HNRNPUL2: variants seen among roughly 807,000 people sequenced by gnomAD.
HNRNPUL2 encodes heterogeneous nuclear ribonucleoprotein U like 2.
Under a neutral mutation model 102.2 loss-of-function variants are expected in HNRNPUL2, and 27 were observed. That is an observed-to-expected ratio of 0.26 (90% CI 0.19 to 0.36). The LOEUF (loss-of-function observed/expected upper bound fraction) is 0.36. Ranked by LOEUF, HNRNPUL2 falls within the 10% of genes least tolerant of loss-of-function variation. The pLI is 1.00. For missense variants in HNRNPUL2, 936 were observed against 981.1 expected, an observed-to-expected ratio of 0.95 and a Z score of 0.61; for synonymous variants, 458 against 387.2, an observed-to-expected ratio of 1.18 and a Z score of -2.15.
chr11:62,716,413 T>A (rs2083660867), intron 11 of HNRNPUL2, among the ~76,000 whole-genome samples: 1 of 152,176 alleles, frequency 6.6e-6, no homozygotes, highest in African/African-American at 2.4e-5. Context: ...TCTGCTGACT[T>A]AACAGTTACA....
rs1194011084 is a variant in HNRNPUL2, at chr11:62,722,394, G to A, written c.1096-14C>T. 8.1e-6 allele frequency: 13 copies of A among 1,611,416 alleles called. No individual in the cohort carries two copies. Among genetic ancestry groups the A allele is most frequent in the African/African-American group, 1.3e-5 (1 of 74,820 alleles). ...AGTCTCAAAATTCTACAATGACAAGGGACAAGAGCACTTATTGGCTGACGA... is the reference window on the plus strand; with the variant it reads ...AGTCTCAAAATTCTACAATGACAAGAGACAAGAGCACTTATTGGCTGACGA... On this transcript the variant is annotated splice_polypyrimidine_tract_variant and intron_variant, in intron 6 of 13. Transcript: ENST00000301785.
chr11:62,715,960 G>A (rs370000407), intron 11 of HNRNPUL2, 23 bp from the exon 12 acceptor site: 23 of 1,558,302 alleles, frequency 1.5e-5, no homozygotes, highest in East Asian at 1.4e-4. Context: ...TGGAGAGCGC[G>A]CTCAGACAGC....
At chr11:62,724,624 G>A (rs1291845765) in intron 1 of HNRNPUL2, among the ~76,000 whole-genome samples, 198 bp from the exon 2 acceptor site, 1 of 151,978 alleles carries the variant, frequency 6.6e-6, no homozygotes, top group East Asian at 1.9e-4. Context: ...TTTAAAAAGG[G>A]GCATTATGGG....
Position 62,726,902 on chromosome 11 carries a change from GTCCTCCTCC to G in HNRNPUL2, c.246_254del (p.Glu82_Glu84del). 6.4e-7 allele frequency: 1 copy of G among 1,556,106 alleles called. No individual in the cohort carries two copies. Among genetic ancestry groups the G allele is most frequent in the Non-Finnish European group, 8.6e-7 (1 of 1,161,118 alleles). ...CCTCGTCCTCAAGCAGCGCCTCCTC[GTCCTCCTCC>G]TCCTCCTCTTCGTCCTCCTCCTCGT... On this transcript the variant is annotated inframe_deletion, in exon 1 of 14. Transcript: ENST00000301785.
At chr11:62,717,858 C>A (rs760593568) in intron 10 of HNRNPUL2, among the ~76,000 whole-genome samples, 12 of 152,178 alleles carry the variant, frequency 7.9e-5, no homozygotes, top group East Asian at 1.9e-4. Flanking sequence ...GAAGAGAAGA[C>A]AAGAGTACAA....
At chr11:62,721,767 G>T (rs1262142920) in intron 8 of HNRNPUL2, 53 bp downstream of exon 8, 3 of 1,584,176 alleles carry the variant, frequency 1.9e-6, no homozygotes, top group Admixed American at 1.7e-5. Context: ...ATTAAAGATA[G>T]GTTATAAGAG....
At position 62,715,310 on chromosome 11, in the gene HNRNPUL2, C is replaced by T; in HGVS notation, c.2233G>A (p.Gly745Arg). Residue 745 changes from glycine to arginine, a missense_variant, in exon 14 of 14, where the codon GGG becomes AGG. Physicochemically the swap from Gly to Arg is moderately radical, Grantham distance 125 (BLOSUM62 -2). Around this residue, in one of 2 missense-constraint regions of HNRNPUL2, gnomAD observed 609 missense variants for 713.0 expected, o/e 0.85. Coordinates refer to ENST00000301785, the MANE Select transcript of HNRNPUL2 (RefSeq NM_001079559.3). ...RYYRNYYGYQGYR is the reference protein window; with the variant it reads ...RYYRNYYGYQRYR ...CCATGGCAGGGGCTTCACCGATACCCTTGGTACCCGTAGTAATTCCTGTAG... is the reference window on the plus strand; with the variant it reads ...CCATGGCAGGGGCTTCACCGATACCTTTGGTACCCGTAGTAATTCCTGTAG... 1 of 1,612,812 alleles carries T rather than the reference C, an allele frequency of 6.2e-7. No homozygotes were observed.
intron 1 of HNRNPUL2, among the ~76,000 whole-genome samples, chr11:62,726,331 G>A (rs932296959): frequency 1.3e-5 from 2 of 152,150 alleles, no homozygotes; most frequent in African/African-American, 4.8e-5. Context: ...AAGCACCGTG[G>A]GAGACTGTTC....
At position 62,723,851 on chromosome 11, in the gene HNRNPUL2, T is replaced by C. The variant is rs761412416; in HGVS notation, c.751+63A>G. ...ATAGAATTTATAGGCTATGAAGTTT[T>C]AATCTCCAAAATCACTTTTAGGAGA... is the stretch of plus-strand genomic sequence containing the variant. On this transcript the variant is annotated intron_variant, in intron 3 of 13. Transcript: ENST00000301785. The C allele has an allele frequency of 1.2e-4, 187 of 1,600,282 alleles. No homozygotes were observed. In the Middle Eastern group the frequency reaches 1.3e-3, roughly 11 times the overall value.
intron 8 of HNRNPUL2, 121 bp from the exon 9 acceptor site, chr11:62,721,544 T>C (rs1293564023): frequency 1.0e-6 from 1 of 963,900 alleles, no homozygotes; most frequent in Non-Finnish European, 1.6e-6. Flanking sequence ...TATCACTCTA[T>C]TCCCATTCTT....
chr11:62,724,041 TTGAGGGGTG>T (rs1412152846), intron 2 of HNRNPUL2, 51 bp from the exon 3 acceptor site: 1 of 1,430,264 alleles, frequency 7.0e-7, no homozygotes, highest in East Asian at 2.3e-5. Flanking sequence ...GCCCTCTTCT[TTGAGGGGTG>T]TGTGTGTATG....
intron 10 of HNRNPUL2, among the ~76,000 whole-genome samples, chr11:62,717,694 A>G (rs2083670773): frequency 2.0e-5 from 3 of 152,160 alleles, no homozygotes; most frequent in African/African-American, 7.2e-5. Flanking sequence ...TGTCTCTACT[A>G]AAAATACAAC....
intron 12 of HNRNPUL2, 40 bp from the exon 13 acceptor site, chr11:62,715,647 T>A: frequency 6.7e-7 from 1 of 1,485,244 alleles, no homozygotes; most frequent in Non-Finnish European, 9.4e-7. Context: ...GTTTATGGGT[T>A]TTTGGCAGCA....
rs200764728 is a variant in HNRNPUL2, at chr11:62,722,103, A to G, written c.1359+14T>C. The G allele has an allele frequency of 3.2e-5, 52 of 1,611,782 alleles. No individual in the cohort carries two copies. The highest frequency in any genetic ancestry group is 4.5e-5 in the East Asian group (2 of 44,866). On this transcript the variant is annotated intron_variant, in intron 7 of 13. Transcript: ENST00000301785. ...AAGCATACAACCTCAGTGTTCGTAT[A>G]CTGTTTGGCATACCTCACATTCCTC... is the stretch of plus-strand genomic sequence containing the variant.
rs765309039 is a variant in HNRNPUL2, at chr11:62,726,599, C to G, written c.538+20G>C. 7 of 1,524,664 alleles carry G rather than the reference C, an allele frequency of 4.6e-6. No individual in the cohort carries two copies. The South Asian group carries it at 5.0e-5, about 11-fold the overall frequency. The allele number at this position is 1,524,664 out of a possible 1,614,324, so 94.4% of individuals were successfully genotyped here. On this transcript the variant is annotated intron_variant, in intron 1 of 13. Transcript: ENST00000301785. ...GCGCAGCCGGCAGGTTGGAGCCGGGCTCGGCTGCCAGCTCCTCACCCTGTT... is the reference window on the plus strand; with the variant it reads ...GCGCAGCCGGCAGGTTGGAGCCGGGGTCGGCTGCCAGCTCCTCACCCTGTT...
rs368103141 is a variant in HNRNPUL2 at position 62,723,722 on chromosome 11, G to A, written c.756C>T (p.Thr252=). 2 of 1,613,878 alleles carry A rather than the reference G, an allele frequency of 1.2e-6. No homozygotes were observed. Among genetic ancestry groups the A allele is most frequent in the Non-Finnish European group, 1.7e-6 (2 of 1,180,004 alleles). ...DQTLVNLDTY[T]SDLHFQVSKD... is the part of the protein sequence containing the mutation. ...TGCTCACTTGAAAATGCAGATCCGA[G>A]GTATCTGTAAAGAAAGAAGCAATCA... The change falls in exon 4 of 14, where the codon ACC becomes ACT. Residue 252 remains threonine, a synonymous_variant. Transcript: ENST00000301785.
chr11:62,718,975 C>T (rs2083680648), intron 10 of HNRNPUL2, among the ~76,000 whole-genome samples: 1 of 151,986 alleles, frequency 6.6e-6, no homozygotes, highest in African/African-American at 2.4e-5. Flanking sequence ...CAAGCGCCCA[C>T]CACCATGCCC....
In HNRNPUL2 at chr11:62,726,239, A is replaced by T. The variant is rs112605402; in HGVS notation, c.538+380T>A. 7.4e-3 allele frequency among the ~76,000 whole-genome samples: 1,123 copies of T among 152,302 alleles called. 4 individuals are homozygous for T. Among genetic ancestry groups the T allele is most frequent in the Non-Finnish European group, 0.013 (855 of 68,020 alleles). On this transcript the variant is annotated intron_variant, in intron 1 of 13. Coordinates refer to ENST00000301785, the MANE Select transcript of HNRNPUL2 (RefSeq NM_001079559.3). Reference sequence around the variant, plus strand: ...GAAAAAGTTAGGTCAGGTAGCCCAAAGACCTGACCCTCTAACTGTGGGCCT... The same window carrying T: ...GAAAAAGTTAGGTCAGGTAGCCCAATGACCTGACCCTCTAACTGTGGGCCT...
In HNRNPUL2 at chr11:62,726,935, G is replaced by A. The variant is rs1442673771; in HGVS notation, c.222C>T (p.Asp74=). The change falls in exon 1 of 14, where the codon GAC becomes GAT. Residue 74 remains aspartate (D), a synonymous_variant. Transcript: ENST00000301785. ...VAASGGGPGG[D]EEEDEEEEEE... is the part of the protein sequence containing the mutation. ...CCTCCTCCTCTTCGTCCTCCTCCTC[G>A]TCCCCGCCCGGGCCGCCGCCCGACG... The A allele has an allele frequency of 2.0e-6, 3 of 1,490,388 alleles. No homozygotes were observed. Among genetic ancestry groups the A allele is most frequent in the Non-Finnish European group, 1.8e-6 (2 of 1,128,884 alleles). 92.3% of individuals were successfully genotyped at this position (1,490,388 alleles called of 1,614,324 possible). A position where few individuals can be genotyped will look rare whatever the true frequency, so the allele number is the denominator to read the frequency against.
Sources: allele counts gnomAD v4.1 joint callset (sites outside exome capture counted in the v4.1 genomes callset), GRCh38; gene constraint gnomAD v4.1.1; regional missense constraint gnomAD v4.1.1; transcripts MANE v1.5; gene names NCBI Gene and HGNC (gene_info 2026-07-23, HGNC 2026-07-21).